Variants in LAMC3 observed in about 807,000 individuals in gnomAD.
The protein encoded by LAMC3 is laminin subunit gamma 3.
LAMC3 carries 128 observed loss-of-function variants against 173.8 expected under a neutral mutation model. That is an observed-to-expected ratio of 0.74 (90% CI 0.64 to 0.85). The LOEUF is 0.85. LAMC3 is among the 40% of genes least tolerant of loss of function. The probability of loss-of-function intolerance (pLI) is 0.00; values close to 1 mark genes in which losing one functional copy is unlikely to be tolerated. For missense variants in LAMC3, 2,022 were observed against 2,156.0 expected (o/e 0.94, Z 1.23); for synonymous variants, 897 against 909.1 (o/e 0.99, Z 0.24).
chr9:131,080,777 C>G (rs546749577), intron 23 of LAMC3, among the ~76,000 whole-genome samples: 1 of 152,132 alleles, frequency 6.6e-6, no homozygotes, highest in South Asian at 2.1e-4. Context: ...GGAGTCAGGG[C>G]CAGGCCCCAG....
intron 4 of LAMC3, among the ~76,000 whole-genome samples, chr9:131,038,158 G>A (rs747498489): frequency 1.2e-4 from 19 of 152,236 alleles, no homozygotes; most frequent in Non-Finnish European, 2.2e-4. Context: ...CAGATTCAGC[G>A]CGGCCATGAC....
intron 3 of LAMC3, among the ~76,000 whole-genome samples, chr9:131,032,583 GC>G (rs1833856477): frequency 3.5e-5 from 2 of 57,256 alleles, no homozygotes; most frequent in Non-Finnish European, 8.8e-5. Context: ...TCTCTCGCTT[GC>G]TCTCTTTCTC....
intron 1 of LAMC3, among the ~76,000 whole-genome samples, chr9:131,012,062 T>TACACACACAC (rs33965311): frequency 0.01 from 1,390 of 138,490 alleles, 11 homozygotes; most frequent in South Asian, 0.027. Flanking sequence ...CACACACACA[T>TACACACACAC]ACACACACAC....
chr9:131,009,517 C>T lies in LAMC3; in HGVS notation c.303C>T (p.Thr101=). 17 of 1,556,550 alleles carry T rather than the reference C, an allele frequency of 1.1e-5. No individual in the cohort carries two copies. Among genetic ancestry groups the T allele is most frequent in the South Asian group, 2.4e-5 (2 of 84,362 alleles). ...LTDFHSQDES[T]WWQSPSMAFG... The stretch of plus-strand genomic sequence containing the variant: ...ACTTCCACAGCCAGGACGAGAGCAC[C>T]TGGTGGCAGAGCCCGTCCATGGCCT... The change falls in exon 1 of 28, where the codon ACC becomes ACT. Residue 101 remains threonine (T), a synonymous_variant. Transcript: ENST00000361069. This position sits in a 1 kb window ranked among gnomAD's most constrained non-coding sequence, Gnocchi z 4.3.
chr9:131,058,910 A>AG (rs1487937724), intron 12 of LAMC3, among the ~76,000 whole-genome samples: 17 of 147,928 alleles, frequency 1.1e-4, no homozygotes, highest in African/African-American at 4.3e-4. Context: ...AGAAAAAAAA[A>AG]AAGAAGAGGC....
intron 1 of LAMC3, among the ~76,000 whole-genome samples, chr9:131,021,950 C>T (rs749137481): frequency 8.2e-4 from 125 of 152,300 alleles, no homozygotes; most frequent in African/African-American, 2.9e-3. Context: ...GGAACCTCCC[C>T]GTGTTCAGCC....
At chr9:131,077,064 A>T in intron 21 of LAMC3, 123 bp from the exon 22 acceptor site, 1 of 1,303,830 alleles carries the variant, frequency 7.7e-7, no homozygotes, top group East Asian at 2.3e-5. Flanking sequence ...TACCCCGCAG[A>T]GGGCTATTCT....
chr9:131,091,710 G>A lies in LAMC3; in HGVS notation c.4651G>A (p.Ala1551Thr), dbSNP rs369055185. ...LQIQGFESDLAEIRADKQNLE... is the reference protein window; with the variant it reads ...LQIQGFESDLTEIRADKQNLE... ...GATCCAGGGCTTCGAGAGTGACCTC[G>A]CCGAGATCCGCGCCGACAAACAGAA... The change falls in exon 28 of 28, where the codon GCC becomes ACC. Residue 1551 changes from alanine to threonine, a missense_variant. By Grantham distance (58) the Ala-to-Thr change is moderately conservative. Transcript: ENST00000361069. 2.4e-5 allele frequency: 38 copies of A among 1,612,200 alleles called. No homozygotes were observed. The highest frequency in any genetic ancestry group is 1.8e-4 in the East Asian group (8 of 44,876).
At chr9:131,071,432 C>G in intron 17 of LAMC3, 52 bp from the exon 18 acceptor site, 2 of 1,603,098 alleles carry the variant, frequency 1.2e-6, no homozygotes, top group Non-Finnish European at 1.7e-6. Context: ...AGTGTCTGGG[C>G]AGGACCTCCA....
chr9:131,085,480 G>T, intron 24 of LAMC3, 44 bp from the exon 25 acceptor site: 3 of 1,607,828 alleles, frequency 1.9e-6, no homozygotes, highest in Non-Finnish European at 2.6e-6. Context: ...GGCACCGGAG[G>T]TGTGAGCCCA....
chr9:131,053,573 G>A (rs187240183), intron 11 of LAMC3, among the ~76,000 whole-genome samples: 41 of 152,266 alleles, frequency 2.7e-4, no homozygotes, highest in African/African-American at 9.4e-4. Flanking sequence ...AGAAGCTCAC[G>A]CCTGTAATCC....
In LAMC3 at chr9:131,045,515, C is replaced by T; in HGVS notation, c.1383-9C>T. 1 of 1,613,358 alleles carries T rather than the reference C, an allele frequency of 6.2e-7. No homozygotes were observed. The highest frequency in any genetic ancestry group is 8.5e-7 in the Non-Finnish European group (1 of 1,180,036). On this transcript the variant is annotated splice_polypyrimidine_tract_variant and intron_variant, in intron 7 of 27. Coordinates refer to ENST00000361069, the MANE Select transcript of LAMC3 (RefSeq NM_006059.4). Reference sequence around the variant, plus strand: ...TGGCCCTCGTGGGCATGTCCTGCCTCCATTTCAGATGTCGCCCGGGGACCT... The same window carrying T: ...TGGCCCTCGTGGGCATGTCCTGCCTTCATTTCAGATGTCGCCCGGGGACCT...
intron 24 of LAMC3, among the ~76,000 whole-genome samples, chr9:131,084,787 T>C (rs1167906889): frequency 6.6e-6 from 1 of 151,882 alleles, no homozygotes; most frequent in African/African-American, 2.4e-5. Flanking sequence ...TAATCTCAGC[T>C]ACTCAGGAGG....
intron 9 of LAMC3, 57 bp from the exon 10 acceptor site, chr9:131,052,434 A>C (rs1184647269): frequency 4.2e-6 from 6 of 1,436,092 alleles, no homozygotes; most frequent in Non-Finnish European, 5.9e-6. Context: ...CAACATAGAC[A>C]TTTAAAATCA....
intron 20 of LAMC3, 63 bp downstream of exon 20, chr9:131,073,384 T>C: frequency 7.7e-7 from 1 of 1,290,762 alleles, no homozygotes; most frequent in South Asian, 1.2e-5. Flanking sequence ...AGGGTCAGAG[T>C]CAGCCCCACA....
chr9:131,081,997 A>G, intron 23 of LAMC3, 62 bp from the exon 24 acceptor site: 7 of 1,300,174 alleles, frequency 5.4e-6, no homozygotes, highest in South Asian at 1.2e-5. Context: ...GTGCCCACTG[A>G]GCTGCCCCTG....
chr9:131,010,975 A>G (rs1833406208), intron 1 of LAMC3, among the ~76,000 whole-genome samples: 1 of 152,224 alleles, frequency 6.6e-6, no homozygotes, highest in Admixed American at 6.5e-5. Flanking sequence ...AGGGGCTGGT[A>G]TCACTGGTTA....
At chr9:131,027,720 A>G (rs1205072936) in intron 2 of LAMC3, among the ~76,000 whole-genome samples, 2 of 152,226 alleles carry the variant, frequency 1.3e-5, no homozygotes, top group Admixed American at 1.3e-4. Flanking sequence ...GCGGGAACAC[A>G]CACACTGTGA....
intron 11 of LAMC3, among the ~76,000 whole-genome samples, chr9:131,055,810 G>A (rs1043156976): frequency 1.3e-5 from 2 of 151,586 alleles, no homozygotes; most frequent in Admixed American, 1.3e-4. Context: ...CACTTTCCTT[G>A]CAGGTAAGAA....
Sources: gnomAD v4.1 joint callset for allele counts (sites outside exome capture counted in the v4.1 genomes callset) on GRCh38, gnomAD v4.1.1 for gene constraint, Gnocchi (gnomAD v3.1) non-coding constraint, MANE v1.5 for transcripts, NCBI Gene and HGNC (gene_info 2026-07-23, HGNC 2026-07-21) for gene names.